MACROH2A1: variants seen among roughly 807,000 people sequenced by gnomAD.
MACROH2A1 encodes the protein macroH2A.1 histone, also known as core histone macro-H2A.1.
In MACROH2A1, 2 loss-of-function variants were observed where a neutral mutation model predicts 31.6. The ratio of observed to expected loss-of-function variants is 0.06; its 90% confidence interval spans 0.03 to 0.20. The LOEUF is 0.20. Ranked by LOEUF, MACROH2A1 falls within the 10% of genes least tolerant of loss-of-function variation. The pLI is 1.00. For missense variants in MACROH2A1, 230 were observed against 474.0 expected (o/e 0.49, Z 4.78); for synonymous variants, 169 against 189.6 (o/e 0.89, Z 0.89).
chr5:135,387,734 G>T (rs529705181), intron 2 of MACROH2A1, among the ~76,000 whole-genome samples: 62 of 152,236 alleles, frequency 4.1e-4, no homozygotes, highest in Admixed American at 1.6e-3. Context: ...AATGGGGTTA[G>T]TCTCCCTCCC....
chr5:135,338,031 G>GT (rs1759099151), intron 8 of MACROH2A1: 1 of 1,147,486 alleles, frequency 8.7e-7, no homozygotes, highest in Non-Finnish European at 1.1e-6. Flanking sequence ...CTTTCCTAAC[G>GT]TTTTCTGGTG....
At chr5:135,391,138 G>T (rs73294542) in intron 1 of MACROH2A1, among the ~76,000 whole-genome samples, 2,639 of 152,306 alleles carry the variant, frequency 0.017, 88 homozygotes, top group African/African-American at 0.06. Flanking sequence ...CTCTGAGCAG[G>T]AAATGATATG....
intron 6 of MACROH2A1, chr5:135,346,515 G>A (rs1760860950): frequency 6.1e-6 from 1 of 163,790 alleles, no homozygotes; most frequent in South Asian, 1.7e-4. Context: ...CAATAAGCCA[G>A]CTCTCCTCCT....
At chr5:135,361,276 A>C (rs973926603) in intron 4 of MACROH2A1, 2 of 154,246 alleles carry the variant, frequency 1.3e-5, no homozygotes, top group Admixed American at 1.3e-4. Flanking sequence ...GAGTTTAAGA[A>C]AACAACTTTC....
chr5:135,379,079 A>G (rs988862759), intron 2 of MACROH2A1, among the ~76,000 whole-genome samples: 1 of 152,226 alleles, frequency 6.6e-6, no homozygotes, highest in African/African-American at 2.4e-5. Context: ...CACAAGGAGC[A>G]TCAATCAGAA....
chr5:135,372,678 T>C (rs1489987987), intron 2 of MACROH2A1, among the ~76,000 whole-genome samples: 1 of 152,234 alleles, frequency 6.6e-6, no homozygotes, highest in Non-Finnish European at 1.5e-5. Flanking sequence ...GTAATGCCAC[T>C]GTCCTGCCCA....
At chr5:135,337,420 C>G (rs1011008947) in intron 8 of MACROH2A1, among the ~76,000 whole-genome samples, 1 of 152,272 alleles carries the variant, frequency 6.6e-6, no homozygotes, top group African/African-American at 2.4e-5. Flanking sequence ...CTGGAACACA[C>G]CAAAAGTGTG....
intron 8 of MACROH2A1, among the ~76,000 whole-genome samples, chr5:135,337,030 G>A (rs529125651): frequency 2.2e-4 from 34 of 152,198 alleles, no homozygotes; most frequent in Non-Finnish European, 4.4e-4. Flanking sequence ...GGGGCTGCAG[G>A]GTGCTGAGAG....
chr5:135,380,723 T>C (rs1194859211), intron 2 of MACROH2A1, among the ~76,000 whole-genome samples: 1 of 152,238 alleles, frequency 6.6e-6, no homozygotes, highest in Admixed American at 6.5e-5. Context: ...AGCCTCTGCA[T>C]ACTACATGTG....
intron 2 of MACROH2A1, among the ~76,000 whole-genome samples, chr5:135,371,672 T>C (rs1371778821): frequency 6.6e-6 from 1 of 152,334 alleles, no homozygotes; most frequent in East Asian, 1.9e-4. Flanking sequence ...TAGTGAGGCA[T>C]ACGGATAGAC....
chr5:135,381,648 A>C (rs936951963), intron 2 of MACROH2A1, among the ~76,000 whole-genome samples: 1 of 152,230 alleles, frequency 6.6e-6, no homozygotes, highest in African/African-American at 2.4e-5. Flanking sequence ...AAAAAGAATG[A>C]AATAGGACTT....
Position 135,369,456 on chromosome 5 carries a change from T to G in MACROH2A1, c.427A>C (p.Lys143Gln). 1 of 1,614,214 alleles carries G rather than the reference T, an allele frequency of 6.2e-7. No individual in the cohort carries two copies. Among genetic ancestry groups the G allele is most frequent in the East Asian group, 2.2e-5 (1 of 44,884 alleles). ...CCTCCTGCTTTTTTAGATACAGGCT[T>G]CTTCTGGGATGGAGACTTGGCCTTT... The part of the protein sequence containing the change: ...AKKAKSPSQK[K>Q]PVSKKAGGKK... Residue 143 changes from lysine to glutamine, a missense_variant, in exon 4 of 9, where the codon AAG (lysine) becomes CAG (glutamine). This residue lies in a region of MACROH2A1 where 183 missense variants were observed against 319.3 expected (regional missense o/e 0.57). Coordinates refer to ENST00000511689, the MANE Select transcript of MACROH2A1 (RefSeq NM_138610.3). The surrounding 1 kb of genome is among the most constrained non-coding windows in gnomAD (Gnocchi z 4.3).
intron 6 of MACROH2A1, chr5:135,347,094 G>C (rs2149753776): frequency 6.6e-6 from 1 of 152,298 alleles, no homozygotes; most frequent in Non-Finnish European, 1.5e-5. Flanking sequence ...ATCTGTCTTG[G>C]AAAATTCCAG....
At chr5:135,353,273 C>G in intron 5 of MACROH2A1, 1 of 497,912 alleles carries the variant, frequency 2.0e-6, no homozygotes, top group South Asian at 2.6e-5. Context: ...GTGGGTGGCA[C>G]CTGGGACAAA....
intron 2 of MACROH2A1, among the ~76,000 whole-genome samples, chr5:135,383,700 G>GGTGTGGTGTGT (rs1554099983): frequency 5.8e-5 from 8 of 137,150 alleles, no homozygotes; most frequent in African/African-American, 2.3e-4. Flanking sequence ...GATGTGGTGT[G>GGTGTGGTGTGT]GTGTGTGTGT....
intron 6 of MACROH2A1, chr5:135,347,138 A>G (rs987120479): frequency 2.0e-5 from 3 of 152,254 alleles, no homozygotes; most frequent in Non-Finnish European, 1.5e-5. Context: ...TGGGACGGTC[A>G]AGGTGCATCG....
At chr5:135,358,449 A>G in intron 5 of MACROH2A1, 1 of 985,400 alleles carries the variant, frequency 1.0e-6, no homozygotes, top group Non-Finnish European at 1.2e-6. Flanking sequence ...CAAGCACATT[A>G]AACAGGAAGG....
At chr5:135,340,087 T>C (rs1207593788) in intron 8 of MACROH2A1, among the ~76,000 whole-genome samples, 2 of 151,894 alleles carry the variant, frequency 1.3e-5, no homozygotes, top group Non-Finnish European at 2.9e-5. Context: ...AGTCCTATGG[T>C]GGGATGAGGT....
At chr5:135,399,454 T>C (rs1472838130), upstream of MACROH2A1, 1 of 152,368 alleles carries the variant, frequency 6.6e-6, no homozygotes, top group South Asian at 2.1e-4. The surrounding 1 kb of genome is among the most constrained non-coding windows in gnomAD (Gnocchi z 4.5). Flanking sequence ...CAGAGCCCAG[T>C]CCTTGGGAAG....
Sources: gnomAD v4.1 joint callset for allele counts (sites outside exome capture counted in the v4.1 genomes callset) on GRCh38, gnomAD v4.1.1 for gene constraint, gnomAD v4.1.1 regional missense constraint, Gnocchi (gnomAD v3.1) non-coding constraint, MANE v1.5 for transcripts, NCBI Gene and HGNC (gene_info 2026-07-23, HGNC 2026-07-21) for gene names.